Variants in GMDS observed in about 807,000 individuals in gnomAD.
The protein encoded by GMDS is GDP-mannose 4,6 dehydratase.
GMDS carries 20 observed loss-of-function variants against 49.9 expected under a neutral mutation model. That is an observed-to-expected ratio of 0.40 (90% CI 0.28 to 0.58). The LOEUF is 0.58. Among genes scored for constraint, GMDS ranks in the 20% least tolerant of loss-of-function variants. GMDS has a pLI of 0.42. For synonymous variants in GMDS, 177 were observed against 178.6 expected (o/e 0.99, Z 0.07); for missense variants, 362 against 481.4 (o/e 0.75, Z 2.32).
chr6:2,017,540 C>A (rs1767986574), intron 4 of GMDS, among the ~76,000 whole-genome samples: 1 of 152,120 alleles, frequency 6.6e-6, no homozygotes, highest in African/African-American at 2.4e-5. Context: ...TACTCCCTAC[C>A]TCAGGTGATC....
At chr6:2,108,862 A>G (rs762170454) in intron 4 of GMDS, among the ~76,000 whole-genome samples, 1 of 152,204 alleles carries the variant, frequency 6.6e-6, no homozygotes, top group Admixed American at 6.5e-5. Flanking sequence ...CCTGTGAAAT[A>G]AGTGCTTGAG....
At chr6:2,231,047 C>T (rs1781083999) in intron 1 of GMDS, among the ~76,000 whole-genome samples, 1 of 148,916 alleles carries the variant, frequency 6.7e-6, no homozygotes, top group Non-Finnish European at 1.5e-5. Flanking sequence ...GAAAGAGTGC[C>T]TGGTCAAAAC....
chr6:1,679,170 T>A (rs1490031801), intron 9 of GMDS: 1 of 152,208 alleles, frequency 6.6e-6, no homozygotes, highest in East Asian at 1.9e-4. Context: ...GGTTATCAAA[T>A]ACTTTGGCAC....
At chr6:2,204,919 G>A (rs1366298406) in intron 1 of GMDS, among the ~76,000 whole-genome samples, 1 of 152,124 alleles carries the variant, frequency 6.6e-6, no homozygotes, top group African/African-American at 2.4e-5. Flanking sequence ...TTACCATAAT[G>A]CTAAAATTTA....
chr6:1,854,133 G>C (rs1757838692), intron 7 of GMDS, among the ~76,000 whole-genome samples: 1 of 152,200 alleles, frequency 6.6e-6, no homozygotes, highest in Admixed American at 6.5e-5. Flanking sequence ...TAGCAGAAAT[G>C]CTTTTATTCT....
intron 1 of GMDS, among the ~76,000 whole-genome samples, chr6:2,197,183 T>C (rs1779309371): frequency 6.6e-6 from 1 of 152,186 alleles, no homozygotes; most frequent in South Asian, 2.1e-4. Context: ...TTACTGGCTT[T>C]AGTAGGAGGT....
At chr6:2,049,359 T>C (rs1314124251) in intron 4 of GMDS, among the ~76,000 whole-genome samples, 3 of 152,222 alleles carry the variant, frequency 2.0e-5, no homozygotes, top group Non-Finnish European at 4.4e-5. Flanking sequence ...TGTCCTCCAT[T>C]CCAATGTCAA....
At chr6:1,704,068 G>A (rs763208060) in intron 9 of GMDS, among the ~76,000 whole-genome samples, 1 of 152,120 alleles carries the variant, frequency 6.6e-6, no homozygotes, top group Non-Finnish European at 1.5e-5. Context: ...TGACAGGCAC[G>A]AGGAAGATAT....
chr6:2,080,098 A>T (rs1772589799), intron 4 of GMDS, among the ~76,000 whole-genome samples: 1 of 152,124 alleles, frequency 6.6e-6, no homozygotes, highest in South Asian at 2.1e-4. Flanking sequence ...AATCTAGACT[A>T]TTGTTGAATC....
At chr6:2,162,072 A>ATTG (rs1411764933) in intron 1 of GMDS, among the ~76,000 whole-genome samples, 1 of 152,226 alleles carries the variant, frequency 6.6e-6, no homozygotes, top group East Asian at 1.9e-4. Flanking sequence ...GACACAGGAA[A>ATTG]TTGTCTATGC....
chr6:1,851,851 A>G (rs2113766946), intron 7 of GMDS, among the ~76,000 whole-genome samples: 1 of 152,338 alleles, frequency 6.6e-6, no homozygotes, highest in East Asian at 1.9e-4. Context: ...GTGGAGATGA[A>G]CACTTTCCAA....
chr6:2,064,067 C>T (rs958922439), intron 4 of GMDS, among the ~76,000 whole-genome samples: 2 of 152,050 alleles, frequency 1.3e-5, no homozygotes, highest in African/African-American at 2.4e-5. Context: ...AATAACAGAC[C>T]ATGTGGAAAA....
At chr6:1,975,043 A>AC (rs540165902) in intron 4 of GMDS, among the ~76,000 whole-genome samples, 12 of 151,444 alleles carry the variant, frequency 7.9e-5, no homozygotes, top group East Asian at 3.9e-4. Context: ...GTCTCAAAAA[A>AC]AAAACAAAAC....
At chr6:2,233,670 A>C (rs1034709065) in intron 1 of GMDS, among the ~76,000 whole-genome samples, 1 of 152,080 alleles carries the variant, frequency 6.6e-6, no homozygotes, top group African/African-American at 2.4e-5. Context: ...AAATACAAAA[A>C]TTAGCCAAGC....
At chr6:1,896,292 A>G (rs1471984142) in intron 7 of GMDS, among the ~76,000 whole-genome samples, 1 of 152,166 alleles carries the variant, frequency 6.6e-6, no homozygotes, top group Non-Finnish European at 1.5e-5. Context: ...CCCTGGGGGC[A>G]AGATTGCTGC....
chr6:1,695,951 G>C lies in GMDS; in HGVS notation c.987+30465C>G, dbSNP rs564628999. Among the ~76,000 whole-genome samples the C allele has an allele frequency of 9.5e-5, 9 of 94,320 alleles. No individual in the cohort carries two copies. In the East Asian group the frequency reaches 2.1e-3, roughly 22 times the overall value. 61.9% of individuals were successfully genotyped at this position (94,320 alleles called of 152,430 possible). A position where few individuals can be genotyped will look rare whatever the true frequency, so the allele number is the denominator to read the frequency against. On this transcript the variant is annotated intron_variant, in intron 9 of 10. Coordinates refer to ENST00000380815, the MANE Select transcript of GMDS (RefSeq NM_001500.4). ...TTTTTTTTTTTTTAATTTTAGCTTT[G>C]ATGACAAAAACAATGCTGGAGGAGA...
At chr6:1,986,633 G>A (rs981011221) in intron 4 of GMDS, among the ~76,000 whole-genome samples, 1 of 152,204 alleles carries the variant, frequency 6.6e-6, no homozygotes, top group Non-Finnish European at 1.5e-5. Flanking sequence ...GTATGAAAAT[G>A]AAAGGAGGGC....
intron 4 of GMDS, among the ~76,000 whole-genome samples, chr6:1,979,393 A>G (rs1765096474): frequency 6.6e-6 from 1 of 152,362 alleles, no homozygotes; most frequent in African/African-American, 2.4e-5. Flanking sequence ...GAACTTTACA[A>G]TGCAATCACA....
rs898591114 is a variant in GMDS at position 1,703,795 on chromosome 6, A to G, written c.987+22621T>C. ...TCGCACTCAGCTCACCAGTGGCCGC[A>G]GGGCCAAGGCTGTTTTATTTTTGGC... On this transcript the variant is annotated intron_variant, in intron 9 of 10. Transcript: ENST00000380815. Among the ~76,000 whole-genome samples the G allele has an allele frequency of 3.9e-5, 6 of 152,382 alleles. No individual in the cohort carries two copies. In the South Asian group the frequency reaches 1.0e-3, roughly 26 times the overall value.
Sources: gnomAD v4.1 joint callset for allele counts (sites outside exome capture counted in the v4.1 genomes callset) on GRCh38, gnomAD v4.1.1 for gene constraint, MANE v1.5 for transcripts, NCBI Gene and HGNC (gene_info 2026-07-23, HGNC 2026-07-21) for gene names.